The following DROSHA variants were observed in gnomAD, a reference collection of about 807,000 sequenced individuals.
DROSHA encodes the protein drosha ribonuclease III, also known as ribonuclease 3.
In DROSHA, 56 loss-of-function variants were observed where a neutral mutation model predicts 181.9. The ratio of observed to expected loss-of-function variants is 0.31; its 90% confidence interval spans 0.25 to 0.38. The LOEUF (loss-of-function observed/expected upper bound fraction) is 0.38, where lower values mean the gene tolerates loss of function less well. DROSHA is among the 10% of genes least tolerant of loss of function. DROSHA has a pLI of 1.00. For synonymous variants in DROSHA, 524 were observed against 591.2 expected (o/e 0.89, Z 1.65); for missense variants, 1,218 against 1,743.5 (o/e 0.70, Z 5.37).
At chr5:31,429,633 G>C in intron 26 of DROSHA, 88 bp from the exon 27 acceptor site, 1 of 1,025,232 alleles carries the variant, frequency 9.8e-7, no homozygotes, top group Non-Finnish European at 1.4e-6. Flanking sequence ...AAAAACGCAA[G>C]CCAAAAACTA....
chr5:31,495,915 T>G (rs1408819232), intron 11 of DROSHA, among the ~76,000 whole-genome samples: 1 of 152,090 alleles, frequency 6.6e-6, no homozygotes, highest in Non-Finnish European at 1.5e-5. Context: ...TCTTGTCCTG[T>G]GGGTGATGGG....
intron 35 of DROSHA, among the ~76,000 whole-genome samples, chr5:31,402,266 A>G (rs991151532): frequency 1.3e-5 from 2 of 152,202 alleles, no homozygotes; most frequent in Non-Finnish European, 2.9e-5. Context: ...CTTTAAGGAC[A>G]ATGCGTAGTG....
intron 18 of DROSHA, among the ~76,000 whole-genome samples, chr5:31,466,786 T>C (rs1049792669): frequency 3.3e-5 from 5 of 152,250 alleles, no homozygotes; most frequent in Non-Finnish European, 7.3e-5. Flanking sequence ...TGTATCCATT[T>C]GTCCACTGGA....
chr5:31,425,290 A>G (rs866232470), intron 27 of DROSHA, among the ~76,000 whole-genome samples: 2 of 152,202 alleles, frequency 1.3e-5, no homozygotes, highest in Admixed American at 6.5e-5. Flanking sequence ...AAAATACCTA[A>G]TATTTCTTGC....
chr5:31,460,877 T>A (rs552204285), intron 20 of DROSHA, among the ~76,000 whole-genome samples: 1 of 152,180 alleles, frequency 6.6e-6, no homozygotes, highest in Admixed American at 6.5e-5. Context: ...TAAATATCAT[T>A]GTAAGCCACA....
chr5:31,447,848 A>G (rs1452897406), intron 23 of DROSHA, among the ~76,000 whole-genome samples: 2 of 152,204 alleles, frequency 1.3e-5, no homozygotes, highest in African/African-American at 2.4e-5. Context: ...AAAAAGACAG[A>G]CAATAACAAG....
At chr5:31,424,052 A>T (rs142755240) in intron 28 of DROSHA, among the ~76,000 whole-genome samples, 1 of 152,368 alleles carries the variant, frequency 6.6e-6, no homozygotes, top group African/African-American at 2.4e-5. Context: ...TAGTATGCTC[A>T]GACTCGCTTC....
chr5:31,402,999 T>C (rs151141936), intron 35 of DROSHA, among the ~76,000 whole-genome samples: 4,473 of 152,186 alleles, frequency 0.029, 117 homozygotes, highest in African/African-American at 0.071. Flanking sequence ...GCCAGGCTGG[T>C]CTCAAACTCC....
At chr5:31,477,014 T>C (rs904799256) in intron 16 of DROSHA, among the ~76,000 whole-genome samples, 14 of 152,110 alleles carry the variant, frequency 9.2e-5, no homozygotes, top group African/African-American at 3.1e-4. Context: ...CTGAAATAAA[T>C]AGGACATGAT....
chr5:31,529,602 G>A lies in DROSHA; in HGVS notation c.-46-497C>T, dbSNP rs567261947. 7.2e-5 allele frequency among the ~76,000 whole-genome samples: 11 copies of A among 152,072 alleles called. No homozygotes were observed. In the East Asian group the frequency reaches 1.7e-3, roughly 24 times the overall value. On this transcript the variant is annotated intron_variant, in intron 3 of 35. Coordinates refer to ENST00000344624, the MANE Select transcript of DROSHA (RefSeq NM_001382508.1). ...TACAAAAACTTAGCCGGGCGTGGTG[G>A]TGGGCGCCTGTAGTCCCAGCTACTC...
intron 30 of DROSHA, among the ~76,000 whole-genome samples, chr5:31,414,061 G>A (rs1241854879): frequency 6.6e-6 from 1 of 152,214 alleles, no homozygotes; most frequent in Admixed American, 6.5e-5. Flanking sequence ...TACACAGCAA[G>A]GTGACCACTG....
At chr5:31,416,570 C>T (rs186799305) in intron 30 of DROSHA, among the ~76,000 whole-genome samples, 1 of 152,220 alleles carries the variant, frequency 6.6e-6, no homozygotes, top group East Asian at 1.9e-4. Context: ...GGGAAAGTTT[C>T]CCGCATCCAG....
intron 12 of DROSHA, 44 bp downstream of exon 12, chr5:31,495,242 A>G (rs1391983109): frequency 1.9e-6 from 3 of 1,566,778 alleles, no homozygotes; most frequent in South Asian, 2.3e-5. Context: ...ATTTTACTCT[A>G]TTTACATTTT....
In DROSHA at chr5:31,526,237, C is replaced by T. The variant is rs568379912; in HGVS notation, c.696G>A (p.Arg232=). The T allele has an allele frequency of 6.2e-6, 10 of 1,613,824 alleles. No homozygotes were observed. In the South Asian group the frequency reaches 1.1e-4, roughly 18 times the overall value. Residue 232 remains arginine, a synonymous_variant, in exon 5 of 36, where the codon AGG becomes AGA. Coordinates refer to ENST00000344624, the MANE Select transcript of DROSHA (RefSeq NM_001382508.1). The stretch of plus-strand genomic sequence containing the variant: ...CTCGCCCATGACTGTGATCTCGGTG[C>T]CTGTGGTCATCATAGTGTTTCAGCC... The part of the protein sequence containing the change: ...PERLKHYDDH[R]HRDHSHGRGE...
chr5:31,435,957 C>A, intron 24 of DROSHA, 93 bp from the exon 25 acceptor site: 1 of 1,076,394 alleles, frequency 9.3e-7, no homozygotes, highest in Non-Finnish European at 1.4e-6. Flanking sequence ...CACACAGTAG[C>A]TGTGCAATGG....
Position 31,467,888 on chromosome 5 carries a change from C to A in DROSHA, c.2366+51G>T. 1.9e-6 allele frequency: 3 copies of A among 1,589,824 alleles called. No individual in the cohort carries two copies. The South Asian group carries it at 3.4e-5, about 18-fold the overall frequency. ...AAAGGGTATTTCTCTGCTAATTTGG[C>A]TGTTAGTAGAAGGTGAAATTGGCTA... On this transcript the variant is annotated intron_variant, in intron 18 of 35. Coordinates refer to ENST00000344624, the MANE Select transcript of DROSHA (RefSeq NM_001382508.1).
At chr5:31,523,446 A>C (rs1397563190) in intron 5 of DROSHA, among the ~76,000 whole-genome samples, 2 of 152,108 alleles carry the variant, frequency 1.3e-5, no homozygotes. Context: ...CAAATACATA[A>C]CTCCAAGTTG....
intron 20 of DROSHA, among the ~76,000 whole-genome samples, chr5:31,456,491 C>T (rs1246233546): frequency 1.3e-5 from 2 of 150,772 alleles, no homozygotes; most frequent in African/African-American, 4.9e-5. Context: ...CACACACACA[C>T]ACAGACACAC....
intron 6 of DROSHA, among the ~76,000 whole-genome samples, chr5:31,518,669 C>A (rs1267950571): frequency 1.3e-5 from 2 of 152,172 alleles, no homozygotes; most frequent in Non-Finnish European, 2.9e-5. Flanking sequence ...CACATTTAAT[C>A]CTGACAGCAA....
Sources: allele counts gnomAD v4.1 joint callset (sites outside exome capture counted in the v4.1 genomes callset), GRCh38; gene constraint gnomAD v4.1.1; transcripts MANE v1.5; gene names NCBI Gene and HGNC (gene_info 2026-07-23, HGNC 2026-07-21).